LNX1: variants seen among roughly 807,000 people sequenced by gnomAD.
LNX1 encodes the protein E3 ubiquitin-protein ligase LNX.
In LNX1, 54 loss-of-function variants were observed where a neutral mutation model predicts 68.4. The ratio of observed to expected loss-of-function variants is 0.79; its 90% CI spans 0.63 to 0.99. LNX1 has a LOEUF of 0.99. Ranked by LOEUF, LNX1 falls within the 50% of genes least tolerant of loss-of-function variation. LNX1 has a pLI of 0.00. For synonymous variants in LNX1, 336 were observed against 350.0 expected (o/e 0.96, Z 0.45); for missense variants, 906 against 926.4 (o/e 0.98, Z 0.29).
intron 1 of LNX1, among the ~76,000 whole-genome samples, chr4:53,576,641 T>TA (rs1403872247): frequency 4.3e-5 from 6 of 138,040 alleles, no homozygotes; most frequent in African/African-American, 1.7e-4. Flanking sequence ...TAAAAATAAA[T>TA]TAAAAAAAAA....
chr4:53,505,358 C>A (rs1018162381), intron 4 of LNX1, among the ~76,000 whole-genome samples: 4 of 151,704 alleles, frequency 2.6e-5, no homozygotes, highest in African/African-American at 9.7e-5. Flanking sequence ...TCAAGCAATT[C>A]TCCCGCCTCA....
At chr4:53,511,437 T>C (rs960444114) in intron 2 of LNX1, among the ~76,000 whole-genome samples, 1 of 152,144 alleles carries the variant, frequency 6.6e-6, no homozygotes, top group African/African-American at 2.4e-5. Flanking sequence ...CTCTGAGCAC[T>C]AAGTACTCTC....
chr4:53,580,206 A>T (rs1216335629), intron 1 of LNX1, among the ~76,000 whole-genome samples: 2 of 152,120 alleles, frequency 1.3e-5, no homozygotes, highest in African/African-American at 4.8e-5. Flanking sequence ...CCTATACCTC[A>T]CCTGCCCTTT....
At chr4:53,631,092 G>A (rs979707038) in intron 1 of LNX1, among the ~76,000 whole-genome samples, 2 of 152,174 alleles carry the variant, frequency 1.3e-5, no homozygotes, top group Admixed American at 6.5e-5. Flanking sequence ...ATAGAGAAGT[G>A]TGTGTGAGGG....
intron 1 of LNX1, among the ~76,000 whole-genome samples, chr4:53,645,821 A>G (rs539808462): frequency 2.0e-5 from 3 of 152,310 alleles, no homozygotes; most frequent in African/African-American, 7.2e-5. Flanking sequence ...AGATGTTTTG[A>G]ATGAATATCT....
At chr4:53,534,372 C>T (rs911619922) in intron 2 of LNX1, among the ~76,000 whole-genome samples, 1 of 150,886 alleles carries the variant, frequency 6.6e-6, no homozygotes, top group Non-Finnish European at 1.5e-5. Flanking sequence ...GGTGCAGTGG[C>T]TCACACCTAT....
intron 1 of LNX1, among the ~76,000 whole-genome samples, chr4:53,628,793 C>T (rs1230352764): frequency 6.6e-6 from 1 of 151,874 alleles, no homozygotes; most frequent in Non-Finnish European, 1.5e-5. Flanking sequence ...TACTACTCAG[C>T]CATAAAAAGA....
intron 2 of LNX1, among the ~76,000 whole-genome samples, chr4:53,543,708 A>G (rs1728907972): frequency 6.6e-6 from 1 of 152,206 alleles, no homozygotes; most frequent in East Asian, 1.9e-4. Context: ...AATGGTAAAC[A>G]AATGTTAAGA....
chr4:53,610,837 G>A (rs1269840497), intron 2 of LNX1, among the ~76,000 whole-genome samples: 4 of 151,576 alleles, frequency 2.6e-5, no homozygotes, highest in African/African-American at 9.7e-5. Flanking sequence ...ATAAGTAATA[G>A]GATATATAAA....
At chr4:53,475,411 T>C (rs1320949604) in intron 9 of LNX1, among the ~76,000 whole-genome samples, 5 of 152,254 alleles carry the variant, frequency 3.3e-5, no homozygotes, top group African/African-American at 1.2e-4. Flanking sequence ...TTTGAAAATG[T>C]ACTGATTTAG....
At chr4:53,543,466 T>C (rs1160399337) in intron 2 of LNX1, among the ~76,000 whole-genome samples, 1 of 152,224 alleles carries the variant, frequency 6.6e-6, no homozygotes, top group Admixed American at 6.5e-5. Context: ...ATGTTTTCTT[T>C]ATGCTACCTA....
At chr4:53,647,759 T>C (rs918521808) in intron 1 of LNX1, among the ~76,000 whole-genome samples, 2 of 152,200 alleles carry the variant, frequency 1.3e-5, no homozygotes, top group African/African-American at 4.8e-5. Flanking sequence ...AAACAGTAAC[T>C]CTCCATTCTC....
intron 4 of LNX1, among the ~76,000 whole-genome samples, chr4:53,502,367 T>C (rs1725567064): frequency 6.6e-6 from 1 of 152,236 alleles, no homozygotes; most frequent in East Asian, 1.9e-4. Context: ...TCTCTGTGGT[T>C]ATAAGAGTTA....
intron 2 of LNX1, among the ~76,000 whole-genome samples, chr4:53,527,271 G>T (rs1727687781): frequency 1.3e-5 from 2 of 152,146 alleles, no homozygotes; most frequent in Non-Finnish European, 2.9e-5. Flanking sequence ...CAGATTCAAG[G>T]TGTAAGCTAT....
intron 8 of LNX1, among the ~76,000 whole-genome samples, chr4:53,477,399 T>C (rs564312865): frequency 3.3e-5 from 5 of 152,240 alleles, no homozygotes; most frequent in African/African-American, 1.2e-4. Context: ...CTCCAGTAAA[T>C]ATGGATTGAA....
chr4:53,527,758 G>C (rs145425393), intron 2 of LNX1, among the ~76,000 whole-genome samples: 2 of 152,094 alleles, frequency 1.3e-5, no homozygotes, highest in Admixed American at 1.3e-4. Context: ...GCCTCAGCAG[G>C]GGAAAAGGGG....
intron 8 of LNX1, 26 bp from the exon 9 acceptor site, chr4:53,477,007 T>C (rs1311202480): frequency 6.3e-7 from 1 of 1,586,976 alleles, no homozygotes; most frequent in Non-Finnish European, 8.6e-7. Flanking sequence ...GCAGAAGCTA[T>C]CTTTAGTGAG....
At chr4:53,535,584 G>A (rs765873559) in intron 2 of LNX1, among the ~76,000 whole-genome samples, 2 of 152,030 alleles carry the variant, frequency 1.3e-5, no homozygotes, top group Non-Finnish European at 1.5e-5. Flanking sequence ...CTGCATTAAT[G>A]TCCTCAGAGG....
chr4:53,615,928 T>C (rs1733663291), intron 2 of LNX1, among the ~76,000 whole-genome samples: 4 of 152,206 alleles, frequency 2.6e-5, no homozygotes, highest in African/African-American at 9.7e-5. Flanking sequence ...ACTATTCTAG[T>C]TATTTTAAAA....
Sources: gnomAD v4.1 joint callset for allele counts (sites outside exome capture counted in the v4.1 genomes callset) on GRCh38, gnomAD v4.1.1 for gene constraint, MANE v1.5 for transcripts, NCBI Gene and HGNC (gene_info 2026-07-23, HGNC 2026-07-21) for gene names.